The following SPRED1 variants were observed in gnomAD, a reference collection of about 807,000 sequenced individuals.
The protein encoded by SPRED1 is sprouty-related, EVH1 domain-containing protein 1.
In SPRED1, 18 loss-of-function variants were observed where a neutral mutation model predicts 52.3. The observed-to-expected ratio is 0.34, with a 90% CI of 0.24 to 0.51. SPRED1 has a LOEUF of 0.51. Ranked by LOEUF, SPRED1 falls within the 20% of genes least tolerant of loss-of-function variation. SPRED1 has a pLI of 0.97. For synonymous variants in SPRED1, 155 were observed against 179.7 expected (o/e 0.86, Z 1.10); for missense variants, 485 against 551.0 (o/e 0.88, Z 1.20).
At chr15:38,270,554 G>A (rs1006395582) in intron 1 of SPRED1, among the ~76,000 whole-genome samples, 11 of 152,234 alleles carry the variant, frequency 7.2e-5, no homozygotes, top group Admixed American at 2.0e-4. Context: ...GCAGGCAAAG[G>A]GGAAGCAAGT....
At chr15:38,292,448 T>TAA (rs1894943262) in intron 1 of SPRED1, among the ~76,000 whole-genome samples, 1 of 152,192 alleles carries the variant, frequency 6.6e-6, no homozygotes, top group South Asian at 2.1e-4. Context: ...ACACTGCTGA[T>TAA]AAAGACATAC....
In SPRED1 at chr15:38,340,995, A is replaced by ATTTTTT. The variant is rs36150872; in HGVS notation, c.582+1113_582+1118dup. Among the ~76,000 whole-genome samples, 327 of 128,264 alleles carry ATTTTTT rather than the reference A, an allele frequency of 2.5e-3. 7 individuals are homozygous for ATTTTTT. The East Asian group carries it at 0.026, about 10-fold the overall frequency. 84.1% of individuals were successfully genotyped at this position (128,264 alleles called of 152,430 possible). ...CCTTAGTGAAGCCACCTGGGCCTGGATTTTTTTTTTTTTTTTTTAGATGGT... is the reference window on the plus strand; with the variant it reads ...CCTTAGTGAAGCCACCTGGGCCTGGATTTTTTTTTTTTTTTTTTTTTTTTAGATGGT... On this transcript the variant is annotated intron_variant, in intron 5 of 6. Coordinates refer to ENST00000299084, the MANE Select transcript of SPRED1 (RefSeq NM_152594.3).
chr15:38,316,568 T>C (rs1895484639), intron 2 of SPRED1, among the ~76,000 whole-genome samples: 1 of 151,896 alleles, frequency 6.6e-6, no homozygotes, highest in Non-Finnish European at 1.5e-5. Context: ...TCCTCCTTTA[T>C]TATTATAGTC....
chr15:38,256,802 T>C (rs1268521103), intron 1 of SPRED1, among the ~76,000 whole-genome samples: 1 of 148,536 alleles, frequency 6.7e-6, no homozygotes, highest in Non-Finnish European at 1.5e-5. Flanking sequence ...TACGTATGTA[T>C]ATGTATGTAC....
chr15:38,283,023 C>T (rs967987830), intron 1 of SPRED1, among the ~76,000 whole-genome samples: 9 of 151,940 alleles, frequency 5.9e-5, no homozygotes, highest in Admixed American at 2.0e-4. Flanking sequence ...TATGTTAGTC[C>T]GTTCTCACAC....
intron 1 of SPRED1, among the ~76,000 whole-genome samples, chr15:38,291,681 G>A (rs1467932124): frequency 1.3e-5 from 2 of 152,222 alleles, no homozygotes; most frequent in Non-Finnish European, 2.9e-5. Flanking sequence ...ACCCTCTGAA[G>A]CAACAGCTTG....
chr15:38,276,736 GA>G (rs1412882795), intron 1 of SPRED1, among the ~76,000 whole-genome samples: 1 of 152,084 alleles, frequency 6.6e-6, no homozygotes, highest in East Asian at 1.9e-4. Context: ...TCATGTTCAG[GA>G]TTTGGTGAGT....
chr15:38,338,032 T>G (rs548998647), intron 4 of SPRED1, among the ~76,000 whole-genome samples: 13 of 132,138 alleles, frequency 9.8e-5, no homozygotes, highest in African/African-American at 3.8e-4. Context: ...GAAACCCCAT[T>G]GCTACTAAAA....
intron 1 of SPRED1, among the ~76,000 whole-genome samples, chr15:38,296,703 G>C (rs572596989): frequency 6.6e-6 from 1 of 151,978 alleles, no homozygotes; most frequent in South Asian, 2.1e-4. Flanking sequence ...ATTCATCTTC[G>C]TGTCCATTGT....
chr15:38,288,122 G>C (rs778685944), intron 1 of SPRED1, among the ~76,000 whole-genome samples: 32 of 152,122 alleles, frequency 2.1e-4, no homozygotes, highest in Non-Finnish European at 4.3e-4. Context: ...ATTAAGAGTT[G>C]CTTCTGGAGT....
At chr15:38,338,038 TAAAAAAAAAAAAA>T (rs66632536) in intron 4 of SPRED1, among the ~76,000 whole-genome samples, 5 of 88,912 alleles carry the variant, frequency 5.6e-5, no homozygotes, top group African/African-American at 2.2e-4. Context: ...CCATTGCTAC[TAAAAAAAAAAAAA>T]AAAAAAAAAA....
chr15:38,350,437 G>C (rs539075747), intron 6 of SPRED1, among the ~76,000 whole-genome samples: 2 of 152,292 alleles, frequency 1.3e-5, no homozygotes, highest in African/African-American at 4.8e-5. Flanking sequence ...TCCAAATACA[G>C]TCGCATTACT....
chr15:38,286,910 T>C (rs1173042562), intron 1 of SPRED1, among the ~76,000 whole-genome samples: 1 of 152,162 alleles, frequency 6.6e-6, no homozygotes, highest in East Asian at 1.9e-4. Flanking sequence ...TGCTCCTCTT[T>C]TCTCTTTTTA....
chr15:38,282,293 C>A (rs1894706755), intron 1 of SPRED1, among the ~76,000 whole-genome samples: 1 of 149,690 alleles, frequency 6.7e-6, no homozygotes, highest in Admixed American at 6.7e-5. Context: ...TGGCCAACAT[C>A]CTGAAACCCC....
intron 1 of SPRED1, 39 bp downstream of exon 1, chr15:38,253,256 C>A: frequency 1.3e-6 from 2 of 1,552,768 alleles, no homozygotes; most frequent in Non-Finnish European, 1.7e-6. Flanking sequence ...ATCCCCCTCC[C>A]CCTATCCGCC....
chr15:38,351,636 G>T lies in SPRED1; in HGVS notation c.1307G>T (p.Cys436Phe). The T allele has an allele frequency of 6.2e-7, 1 of 1,613,654 alleles. No individual in the cohort carries two copies. ...CGCTGTGGTGAGGCATGTGGTTGCTGTGGTGGGAAACATAAAGCTGCTGGA... is the reference window on the plus strand; with the variant it reads ...CGCTGTGGTGAGGCATGTGGTTGCTTTGGTGGGAAACATAAAGCTGCTGGA... ...CHRCGEACGC[C>F]GGKHKAAG is the part of the protein sequence containing the mutation. The change falls in exon 7 of 7, where the codon TGT becomes TTT. Residue 436 changes from cysteine (C) to phenylalanine (F), a missense_variant. This residue lies in a region of SPRED1 where 205 missense variants were observed against 245.2 expected (regional missense o/e 0.84). Transcript: ENST00000299084.
chr15:38,301,624 T>G (rs908729403), intron 2 of SPRED1, among the ~76,000 whole-genome samples: 1 of 152,148 alleles, frequency 6.6e-6, no homozygotes, highest in Non-Finnish European at 1.5e-5. Context: ...AATAGCGAAG[T>G]CTTGTGAAAT....
At chr15:38,259,592 A>AAT (rs1371447542) in intron 1 of SPRED1, among the ~76,000 whole-genome samples, 1 of 152,212 alleles carries the variant, frequency 6.6e-6, no homozygotes, top group Non-Finnish European at 1.5e-5. Context: ...TCTGTGGATG[A>AAT]ATAAGTAAAC....
intron 4 of SPRED1, among the ~76,000 whole-genome samples, chr15:38,334,578 C>G (rs1211696603): frequency 3.3e-5 from 5 of 152,068 alleles, no homozygotes; most frequent in Admixed American, 1.3e-4. Flanking sequence ...ATTCATCCTT[C>G]TATCAGTTAG....
Sources: allele counts gnomAD v4.1 joint callset (sites outside exome capture counted in the v4.1 genomes callset), GRCh38; gene constraint gnomAD v4.1.1; regional missense constraint gnomAD v4.1.1; transcripts MANE v1.5; gene names NCBI Gene and HGNC (gene_info 2026-07-23, HGNC 2026-07-21).